MYO18B: variants seen among roughly 807,000 people sequenced by gnomAD.
MYO18B encodes the protein myosin XVIIIB.
In MYO18B, 204 loss-of-function variants were observed where a neutral mutation model predicts 273.0. The ratio of observed to expected loss-of-function variants is 0.75; its 90% confidence interval spans 0.67 to 0.84. The LOEUF (loss-of-function observed/expected upper bound fraction) is 0.84. Ranked by LOEUF, MYO18B falls within the 40% of genes least tolerant of loss-of-function variation. The pLI, the probability that MYO18B is intolerant of heterozygous loss-of-function variation, is 0.00. For missense variants in MYO18B, 3,212 were observed against 3,287.6 expected (o/e 0.98, Z 0.56); for synonymous variants, 1,330 against 1,305.7 (o/e 1.02, Z -0.40).
At chr22:25,847,694 G>A (rs1273538583) in intron 20 of MYO18B, 42 bp downstream of exon 20, 1 of 1,464,154 alleles carries the variant, frequency 6.8e-7, no homozygotes, top group Admixed American at 2.0e-5. Context: ...TCTGACTCCT[G>A]GGACATGTCC....
At position 25,956,453 on chromosome 22, in the gene MYO18B, C is replaced by T. The variant is rs141686120; in HGVS notation, c.6156+1089C>T. ...CTGGTCTCAAACTCTTGAGCTCAGG[C>T]AATCTGCCCACTTCGGCCACCCAAA... On this transcript the variant is annotated intron_variant, in intron 39 of 43. Transcript: ENST00000335473. Among the ~76,000 whole-genome samples the T allele has an allele frequency of 2.0e-5, 3 of 152,268 alleles. No homozygotes were observed. The East Asian group carries it at 5.8e-4, about 29-fold the overall frequency.
intron 39 of MYO18B, among the ~76,000 whole-genome samples, chr22:25,966,744 C>T (rs1304458229): frequency 6.6e-6 from 1 of 152,212 alleles, no homozygotes; most frequent in Non-Finnish European, 1.5e-5. Context: ...GTTTGTCTCC[C>T]TACAAAGGTT....
chr22:25,773,050 T>C (rs1318465204), intron 7 of MYO18B, among the ~76,000 whole-genome samples: 3 of 152,132 alleles, frequency 2.0e-5, no homozygotes, highest in African/African-American at 7.2e-5. Flanking sequence ...AGTTGTACTT[T>C]AGTTTTTTTC....
chr22:25,793,001 C>A (rs974578382), intron 11 of MYO18B, among the ~76,000 whole-genome samples: 1 of 152,156 alleles, frequency 6.6e-6, no homozygotes, highest in African/African-American at 2.4e-5. Context: ...GGGTCATACC[C>A]GATTAACTTG....
chr22:25,867,920 C>T (rs987430499), intron 21 of MYO18B, among the ~76,000 whole-genome samples: 8 of 152,262 alleles, frequency 5.3e-5, no homozygotes, highest in African/African-American at 9.6e-5. Flanking sequence ...CGTGAGCCAC[C>T]GCGCCCGGCC....
chr22:25,833,527 C>T (rs2089788957), intron 16 of MYO18B, among the ~76,000 whole-genome samples: 1 of 152,084 alleles, frequency 6.6e-6, no homozygotes, highest in African/African-American at 2.4e-5. Flanking sequence ...TTTGCTACCC[C>T]AGATCTGCAC....
At chr22:25,818,031 G>A (rs1327335136) in intron 12 of MYO18B, among the ~76,000 whole-genome samples, 3 of 152,166 alleles carry the variant, frequency 2.0e-5, no homozygotes, top group Admixed American at 6.5e-5. Context: ...CTAGCAACCC[G>A]AAAAATGGCT....
chr22:25,824,156 G>A (rs951713480), intron 13 of MYO18B, among the ~76,000 whole-genome samples: 1 of 152,212 alleles, frequency 6.6e-6, no homozygotes, highest in Admixed American at 6.5e-5. Context: ...TTGGGAAGCC[G>A]TGGAGTGGCT....
chr22:26,021,019 G>A (rs759069209), intron 42 of MYO18B, among the ~76,000 whole-genome samples: 2 of 152,180 alleles, frequency 1.3e-5, no homozygotes, highest in Admixed American at 6.5e-5. Flanking sequence ...AACCCTGGAG[G>A]CAGAGTTTGC....
At chr22:26,023,279 C>G (rs1476085790) in intron 42 of MYO18B, among the ~76,000 whole-genome samples, 1 of 152,196 alleles carries the variant, frequency 6.6e-6, no homozygotes, top group Non-Finnish European at 1.5e-5. Flanking sequence ...CTGACTACCT[C>G]TTCTTTCTCA....
intron 12 of MYO18B, among the ~76,000 whole-genome samples, chr22:25,807,307 AG>A (rs1206687387): frequency 6.6e-6 from 1 of 152,218 alleles, no homozygotes; most frequent in Non-Finnish European, 1.5e-5. Flanking sequence ...CACAGTCTAG[AG>A]TGACACAGAT....
At chr22:25,746,464 G>A (rs1267784092) in intron 1 of MYO18B, among the ~76,000 whole-genome samples, 1 of 152,158 alleles carries the variant, frequency 6.6e-6, no homozygotes, top group African/African-American at 2.4e-5. Context: ...TCTTTGTTGT[G>A]GACCTGTCAT....
At chr22:25,791,773 G>A (rs1040557362) in intron 11 of MYO18B, among the ~76,000 whole-genome samples, 11 of 152,134 alleles carry the variant, frequency 7.2e-5, no homozygotes, top group Non-Finnish European at 1.6e-4. Flanking sequence ...GGAAGGATGA[G>A]GGATCACTCA....
the MYO18B span, among the ~76,000 whole-genome samples, chr22:26,062,885 A>G: frequency 1.3e-5 from 2 of 152,142 alleles, no homozygotes; most frequent in Non-Finnish European, 2.9e-5. Flanking sequence ...GAACGGGAGA[A>G]GACAGATGGA....
intron 28 of MYO18B, chr22:25,897,883 T>A (rs2091844373): frequency 6.2e-6 from 1 of 161,682 alleles, no homozygotes. Context: ...GCTTGTCACT[T>A]GGGATTCCGG....
rs1009162092 is a variant in MYO18B, at chr22:25,846,169, G to C, written c.3438G>C (p.Leu1146=). 1.9e-6 allele frequency: 3 copies of C among 1,611,110 alleles called. No individual in the cohort carries two copies. The African/African-American group carries it at 4.0e-5, about 22-fold the overall frequency. The change falls in exon 19 of 44, where the codon CTG becomes CTC. Residue 1146 remains leucine (L), a synonymous_variant. Coordinates refer to ENST00000335473, the MANE Select transcript of MYO18B (RefSeq NM_032608.7). ...LPPVCRAVAG[L]EGTSQQALQR... ...CTGTGTGCCGGGCTGTGGCAGGCCT[G>C]GAGGGCACCTCCCAGCAGGCCCTGC...
intron 41 of MYO18B, 33 bp from the exon 42 acceptor site, chr22:26,004,685 T>C (rs750229744): frequency 3.5e-5 from 57 of 1,611,038 alleles, no homozygotes; most frequent in Non-Finnish European, 4.6e-5. Context: ...GTGATTGTCA[T>C]TGTGCTGATG....
intron 22 of MYO18B, among the ~76,000 whole-genome samples, chr22:25,869,970 A>G (rs769078183): frequency 6.6e-6 from 1 of 152,174 alleles, no homozygotes; most frequent in Non-Finnish European, 1.5e-5. Context: ...ACTCCCACGC[A>G]CTATGTGAGG....
Position 26,027,591 on chromosome 22 carries a change from G to A in MYO18B, c.7617G>A (p.Glu2539=), listed in dbSNP as rs2147025958. The change falls in exon 43 of 44, where the codon GAG becomes GAA. Residue 2539 remains glutamate, a synonymous_variant. Transcript: ENST00000335473. The surrounding 1 kb of genome is among the most constrained non-coding windows in gnomAD (Gnocchi z 4.1). The part of the protein sequence containing the change: ...GIPRLAGDGG[E]RTSPERREPG... ...CACGACTTGCGGGTGACGGTGGCGA[G>A]CGAACGTCCCCCGAGCGGAGAGAGC... 2 of 1,613,966 alleles carry A rather than the reference G, an allele frequency of 1.2e-6. No individual in the cohort carries two copies. The highest frequency in any genetic ancestry group is 1.1e-5 in the South Asian group (1 of 91,064).
Sources: gnomAD v4.1 joint callset for allele counts (sites outside exome capture counted in the v4.1 genomes callset) on GRCh38, gnomAD v4.1.1 for gene constraint, Gnocchi (gnomAD v3.1) non-coding constraint, MANE v1.5 for transcripts, NCBI Gene and HGNC (gene_info 2026-07-23, HGNC 2026-07-21) for gene names.